RIPOR2: variants seen among roughly 807,000 people sequenced by gnomAD.
The protein encoded by RIPOR2 is rho family-interacting cell polarization regulator 2.
RIPOR2 carries 39 observed loss-of-function variants against 114.5 expected under a neutral mutation model. The ratio of observed to expected loss-of-function variants is 0.34; its 90% CI spans 0.26 to 0.44. The LOEUF is 0.44. Ranked by LOEUF, RIPOR2 falls within the 20% of genes least tolerant of loss-of-function variation. The pLI, the probability that RIPOR2 is intolerant of heterozygous loss-of-function variation, is 1.00. For synonymous variants in RIPOR2, 445 were observed against 484.4 expected (o/e 0.92, Z 1.07); for missense variants, 1,007 against 1,255.1 (o/e 0.80, Z 2.99).
upstream of RIPOR2, chr6:25,042,034 A>AC (rs1329133114): frequency 5.9e-3 from 2,551 of 433,320 alleles, 20 homozygotes; most frequent in South Asian, 0.016. Context: ...AGAAAACTTA[A>AC]CCCCCCCCTT....
chr6:24,965,852 T>G (rs1167853233), intron 1 of RIPOR2, among the ~76,000 whole-genome samples: 1 of 152,196 alleles, frequency 6.6e-6, no homozygotes, highest in Admixed American at 6.5e-5. Flanking sequence ...TTCCATGTGC[T>G]CCATCTCAGT....
At chr6:25,000,842 T>C (rs1775277605) in intron 1 of RIPOR2, among the ~76,000 whole-genome samples, 1 of 140,126 alleles carries the variant, frequency 7.1e-6, no homozygotes, top group Admixed American at 7.1e-5. Context: ...TTCTTGGCTA[T>C]AAACATCCGT....
chr6:24,849,832 G>A lies in RIPOR2; in HGVS notation c.1004C>T (p.Thr335Ile). ...VVAVDINDLG[T>I]IKLNLEITWY... ...GGTGATTTCCAGGTTCAGTTTGATG[G>A]TACCAAGGTCATTGATGTCGACAGC... Residue 335 changes from threonine (T) to isoleucine (I), a missense_variant, in exon 11 of 22, where the codon ACC (threonine) becomes ATC (isoleucine). Thr to Ile is a moderately conservative substitution (Grantham distance 89). Transcript: ENST00000643898. 1 of 1,613,854 alleles carries A rather than the reference G, an allele frequency of 6.2e-7. No individual in the cohort carries two copies. Among genetic ancestry groups the A allele is most frequent in the Non-Finnish European group, 8.5e-7 (1 of 1,179,798 alleles).
chr6:24,930,686 C>T (rs1189819530), intron 1 of RIPOR2, among the ~76,000 whole-genome samples: 1 of 152,136 alleles, frequency 6.6e-6, no homozygotes, highest in African/African-American at 2.4e-5. Context: ...TGCTCCAGAC[C>T]CTGGGACAAA....
At chr6:24,837,349 T>C (rs1274672843) in intron 14 of RIPOR2, among the ~76,000 whole-genome samples, 2 of 151,924 alleles carry the variant, frequency 1.3e-5, no homozygotes, top group Non-Finnish European at 2.9e-5. Flanking sequence ...TCTCGAACTC[T>C]GACCTCAAGT....
chr6:24,885,304 C>T (rs1766725214), intron 1 of RIPOR2, among the ~76,000 whole-genome samples: 1 of 152,092 alleles, frequency 6.6e-6, no homozygotes, highest in African/African-American at 2.4e-5. Context: ...CTCACTGCAG[C>T]CTCAATCTCC....
chr6:25,003,756 A>G (rs1775422452), intron 1 of RIPOR2, among the ~76,000 whole-genome samples: 1 of 152,148 alleles, frequency 6.6e-6, no homozygotes, highest in Non-Finnish European at 1.5e-5. Flanking sequence ...AGGTAGCATT[A>G]CCTCTTATTC....
At position 24,839,155 on chromosome 6, in the gene RIPOR2, C is replaced by T; in HGVS notation, c.1975G>A (p.Glu659Lys). ...SDFDEEEDGDEVCNVGGGADS... is the reference protein window; with the variant it reads ...SDFDEEEDGDKVCNVGGGADS... The stretch of plus-strand genomic sequence containing the variant: ...GCACCTCCGCCAACATTACAAACCT[C>T]ATCACCATCCTCCTCCTCGTCAAAA... Residue 659 changes from glutamate to lysine, a missense_variant, in exon 14 of 22, where the codon GAG becomes AAG. Physicochemically the swap from Glu to Lys is moderately conservative, Grantham distance 56. Coordinates refer to ENST00000643898, the MANE Select transcript of RIPOR2 (RefSeq NM_001286445.3). 6.4e-7 allele frequency: 1 copy of T among 1,551,740 alleles called. No homozygotes were observed. Among genetic ancestry groups the T allele is most frequent in the East Asian group, 2.4e-5 (1 of 40,916 alleles).
intron 4 of RIPOR2, among the ~76,000 whole-genome samples, chr6:24,872,530 A>G (rs764385016): frequency 2.0e-5 from 3 of 152,194 alleles, no homozygotes; most frequent in Admixed American, 6.5e-5. Flanking sequence ...CAAATTCTGT[A>G]TGTACTAACA....
intron 1 of RIPOR2, among the ~76,000 whole-genome samples, chr6:24,914,586 A>G (rs1769925574): frequency 6.6e-6 from 1 of 152,216 alleles, no homozygotes; most frequent in South Asian, 2.1e-4. Flanking sequence ...ACCATAAAAC[A>G]AAGTGTTTGA....
In RIPOR2 at chr6:24,908,050, A is replaced by C. The variant is rs547920503; in HGVS notation, c.61+27788T>G. The stretch of plus-strand genomic sequence containing the variant: ...CTTTTCTGGTTGAATGGCCACAAAC[A>C]CAAGCTGTCTATCTCCCCCAGCTCA... On this transcript the variant is annotated intron_variant, in intron 1 of 21. Transcript: ENST00000643898. Among the ~76,000 whole-genome samples, 58 of 149,460 alleles carry C rather than the reference A, an allele frequency of 3.9e-4. 1 individual carries two copies. Among genetic ancestry groups the C allele is most frequent in the Admixed American group, 1.2e-3 (18 of 14,802 alleles).
chr6:25,020,152 T>C (rs1243114001), intron 1 of RIPOR2, among the ~76,000 whole-genome samples: 1 of 152,212 alleles, frequency 6.6e-6, no homozygotes, highest in Non-Finnish European at 1.5e-5. Flanking sequence ...TCAGCTAGTA[T>C]TAAAGGTTTT....
At chr6:24,998,851 G>C (rs1233442345) in intron 1 of RIPOR2, among the ~76,000 whole-genome samples, 1 of 149,008 alleles carries the variant, frequency 6.7e-6, no homozygotes, top group Non-Finnish European at 1.5e-5. Flanking sequence ...GAACAGATTG[G>C]ACAATGTGGA....
chr6:25,024,781 C>T (rs906044975), intron 1 of RIPOR2, among the ~76,000 whole-genome samples: 2 of 152,190 alleles, frequency 1.3e-5, no homozygotes, highest in African/African-American at 2.4e-5. Context: ...TGGTGAGTAT[C>T]GGACTTAGCT....
At chr6:24,932,101 T>C (rs964232653) in intron 1 of RIPOR2, 1 of 152,250 alleles carries the variant, frequency 6.6e-6, no homozygotes, top group Non-Finnish European at 1.5e-5. Flanking sequence ...CTGACCAGAC[T>C]GGCTGTCAAG....
At chr6:24,861,342 G>A (rs1423769398) in intron 7 of RIPOR2, among the ~76,000 whole-genome samples, 2 of 152,138 alleles carry the variant, frequency 1.3e-5, no homozygotes, top group Non-Finnish European at 2.9e-5. Flanking sequence ...CAGTATCATA[G>A]GGGAAAAAAT....
At chr6:24,895,907 C>T (rs1253455573) in intron 1 of RIPOR2, among the ~76,000 whole-genome samples, 1 of 152,222 alleles carries the variant, frequency 6.6e-6, no homozygotes, top group South Asian at 2.1e-4. Flanking sequence ...GGAAGAATGG[C>T]GTGAACCCGG....
At chr6:24,810,489 T>C (rs1168968032) in intron 20 of RIPOR2, among the ~76,000 whole-genome samples, 1 of 152,220 alleles carries the variant, frequency 6.6e-6, no homozygotes, top group Non-Finnish European at 1.5e-5. Flanking sequence ...AATTCTTCTA[T>C]TTGTTTGTTC....
chr6:25,033,303 T>C (rs1379989781), intron 1 of RIPOR2, among the ~76,000 whole-genome samples: 1 of 152,236 alleles, frequency 6.6e-6, no homozygotes, highest in Non-Finnish European at 1.5e-5. Context: ...AACATCATTG[T>C]TTATTTGATG....
Sources: allele counts gnomAD v4.1 joint callset (sites outside exome capture counted in the v4.1 genomes callset), GRCh38; gene constraint gnomAD v4.1.1; transcripts MANE v1.5; gene names NCBI Gene and HGNC (gene_info 2026-07-23, HGNC 2026-07-21).